Variants in GPATCH2 observed in about 807,000 individuals in gnomAD.
The protein encoded by GPATCH2 is G patch domain-containing protein 2.
A neutral mutation model predicts 58.0 loss-of-function variants in GPATCH2; 51 were observed. That is an observed-to-expected ratio of 0.88 (90% CI 0.70 to 1.11). The LOEUF is 1.11. Among genes scored for constraint, GPATCH2 ranks in the 50% most tolerant of loss-of-function variants. The pLI is 0.00. For synonymous variants in GPATCH2, 222 were observed against 218.5 expected, an observed-to-expected ratio of 1.02 and a Z score of -0.14; for missense variants, 625 against 652.2, an observed-to-expected ratio of 0.96 and a Z score of 0.45.
intron 8 of GPATCH2, among the ~76,000 whole-genome samples, chr1:217,465,210 TTTAAAA>T (rs1660391109): frequency 6.6e-6 from 1 of 151,102 alleles, no homozygotes; most frequent in Admixed American, 6.6e-5. Flanking sequence ...AAATAAAAAC[TTTAAAA>T]TTAAAAAAAG....
intron 6 of GPATCH2, among the ~76,000 whole-genome samples, chr1:217,507,653 A>G (rs554309683): frequency 6.6e-6 from 1 of 152,316 alleles, no homozygotes; most frequent in Admixed American, 6.5e-5. Context: ...GTACAGTGGA[A>G]TATAGTAATA....
intron 5 of GPATCH2, among the ~76,000 whole-genome samples, chr1:217,518,113 C>G (rs1464160793): frequency 2.0e-5 from 3 of 152,070 alleles, no homozygotes; most frequent in African/African-American, 7.2e-5. Flanking sequence ...AGACGCTTAT[C>G]ACACAAAGTC....
chr1:217,489,992 T>C (rs1661642026), intron 8 of GPATCH2, among the ~76,000 whole-genome samples: 3 of 152,258 alleles, frequency 2.0e-5, no homozygotes, highest in Non-Finnish European at 4.4e-5. Flanking sequence ...TTAATCAGTA[T>C]ATTGGCTCGT....
At chr1:217,544,679 G>C (rs951486947) in intron 5 of GPATCH2, among the ~76,000 whole-genome samples, 4 of 152,164 alleles carry the variant, frequency 2.6e-5, no homozygotes, top group African/African-American at 9.6e-5. Context: ...ACAGTCTCTA[G>C]TGATCTCGCT....
intron 5 of GPATCH2, among the ~76,000 whole-genome samples, chr1:217,523,165 TCA>T (rs1267575958): frequency 6.6e-6 from 1 of 151,738 alleles, no homozygotes; most frequent in Non-Finnish European, 1.5e-5. Flanking sequence ...AAAAAAAATT[TCA>T]GTTTTTTATT....
intron 5 of GPATCH2, among the ~76,000 whole-genome samples, chr1:217,530,149 C>G (rs753378620): frequency 2.8e-4 from 42 of 152,126 alleles, no homozygotes; most frequent in Non-Finnish European, 5.6e-4. Flanking sequence ...TGCTATCCAC[C>G]AAGTTTAACA....
In GPATCH2 at chr1:217,491,671, A is replaced by G; in HGVS notation, c.1277+9T>C. On this transcript the variant is annotated intron_variant, in intron 8 of 9. Transcript: ENST00000366935. ...ATGAATGAATAAAAAGCGATTTTGA[A>G]TTGCTTACCTGCTGGCTGTTCTCAC... 1 of 1,366,200 alleles carries G rather than the reference A, an allele frequency of 7.3e-7. No homozygotes were observed. Among genetic ancestry groups the G allele is most frequent in the South Asian group, 1.2e-5 (1 of 81,438 alleles). 84.6% of individuals were successfully genotyped at this position (1,366,200 alleles called of 1,614,324 possible).
chr1:217,511,890 A>C (rs1662872184), intron 6 of GPATCH2, among the ~76,000 whole-genome samples: 1 of 152,038 alleles, frequency 6.6e-6, no homozygotes, highest in South Asian at 2.1e-4. Flanking sequence ...TGTAAAAGAA[A>C]ATTCCCATGA....
intron 5 of GPATCH2, among the ~76,000 whole-genome samples, chr1:217,523,841 C>G (rs554362079): frequency 6.9e-6 from 1 of 145,558 alleles, no homozygotes; most frequent in Non-Finnish European, 1.5e-5. Flanking sequence ...GGTGGCTGGC[C>G]GGGCGGGGGG....
At chr1:217,576,635 G>A (rs1666817882) in intron 5 of GPATCH2, among the ~76,000 whole-genome samples, 1 of 152,132 alleles carries the variant, frequency 6.6e-6, no homozygotes, top group African/African-American at 2.4e-5. Context: ...GCACATACAA[G>A]TGAAAAAGAT....
At chr1:217,510,919 C>G (rs1662816813) in intron 6 of GPATCH2, among the ~76,000 whole-genome samples, 1 of 151,788 alleles carries the variant, frequency 6.6e-6, no homozygotes, top group Non-Finnish European at 1.5e-5. Context: ...ATGGTGAAAC[C>G]CTGTATCCAC....
chr1:217,472,452 C>A lies in GPATCH2; in HGVS notation c.1277+19228G>T, dbSNP rs991986303. ...GAGTGGCTGGGACTACAGGCGCCCG[C>A]CACCACGCCGGGCTAATTTTTTTGT... On this transcript the variant is annotated intron_variant, in intron 8 of 9. Transcript: ENST00000366935. Among the ~76,000 whole-genome samples the A allele has an allele frequency of 5.1e-4, 78 of 152,156 alleles. No individual in the cohort carries two copies. The Middle Eastern group carries it at 0.01, about 20-fold the overall frequency.
chr1:217,447,663 C>A (rs1451629982), intron 9 of GPATCH2, among the ~76,000 whole-genome samples: 1 of 152,102 alleles, frequency 6.6e-6, no homozygotes, highest in African/African-American at 2.4e-5. Flanking sequence ...TTCAATACAG[C>A]CAGAAGATGA....
At chr1:217,440,333 A>G (rs1659074859) in intron 9 of GPATCH2, among the ~76,000 whole-genome samples, 1 of 152,226 alleles carries the variant, frequency 6.6e-6, no homozygotes, top group Non-Finnish European at 1.5e-5. Context: ...AAAAACTCTC[A>G]ATAAACTAGG....
intron 7 of GPATCH2, among the ~76,000 whole-genome samples, chr1:217,494,747 A>G (rs1274581610): frequency 1.3e-5 from 2 of 152,164 alleles, no homozygotes; most frequent in African/African-American, 2.4e-5. Flanking sequence ...CTGTCTCAAA[A>G]AAAAAAGAAG....
rs540977945 is a variant in GPATCH2 at position 217,621,672 on chromosome 1, A to G, written c.57-1173T>C. 3.2e-4 allele frequency among the ~76,000 whole-genome samples: 49 copies of G among 152,356 alleles called. 1 individual carries two copies. The highest frequency in any genetic ancestry group is 1.0e-3 in the African/African-American group (42 of 41,590). On this transcript the variant is annotated intron_variant, in intron 1 of 9. Coordinates refer to ENST00000366935, the MANE Select transcript of GPATCH2 (RefSeq NM_018040.5). ...AGCTGGTTATAGTTTGCTGACCCATAGTCTATATAGTCTCTACAATCATGT... is the reference window on the plus strand; with the variant it reads ...AGCTGGTTATAGTTTGCTGACCCATGGTCTATATAGTCTCTACAATCATGT...
At chr1:217,584,344 A>AAAAAAAAAAAAAATAT (rs1463910405) in intron 5 of GPATCH2, among the ~76,000 whole-genome samples, 1 of 101,860 alleles carries the variant, frequency 9.8e-6, no homozygotes, top group Non-Finnish European at 2.0e-5. Context: ...AAAAAAAAAA[A>AAAAAAAAAAAAAATAT]ATATATATAT....
chr1:217,438,766 G>C (rs1189394465), intron 9 of GPATCH2, among the ~76,000 whole-genome samples: 2 of 152,118 alleles, frequency 1.3e-5, no homozygotes, highest in African/African-American at 4.8e-5. Flanking sequence ...GTGATGGGGA[G>C]AATGGAACCA....
At chr1:217,500,932 G>A (rs2102552652) in intron 6 of GPATCH2, among the ~76,000 whole-genome samples, 1 of 152,018 alleles carries the variant, frequency 6.6e-6, no homozygotes, top group Non-Finnish European at 1.5e-5. Flanking sequence ...AGTTGGTAGA[G>A]ATCCTGTGCA....
Sources: gnomAD v4.1 joint callset for allele counts (sites outside exome capture counted in the v4.1 genomes callset) on GRCh38, gnomAD v4.1.1 for gene constraint, MANE v1.5 for transcripts, NCBI Gene and HGNC (gene_info 2026-07-23, HGNC 2026-07-21) for gene names.